The following SNX4 variants were observed in gnomAD, a reference collection of about 807,000 sequenced individuals.
SNX4 encodes the protein sorting nexin 4, also known as sorting nexin-4.
Under a neutral mutation model 70.8 loss-of-function variants are expected in SNX4, and 49 were observed. The observed-to-expected ratio is 0.69, with a 90% CI of 0.55 to 0.88. SNX4 has a LOEUF of 0.88. Ranked by LOEUF, SNX4 falls within the 40% of genes least tolerant of loss-of-function variation. The pLI is 0.00. For missense variants in SNX4, 528 were observed against 544.8 expected (o/e 0.97, Z 0.31); for synonymous variants, 206 against 183.8 (o/e 1.12, Z -0.98).
intron 9 of SNX4, among the ~76,000 whole-genome samples, chr3:125,468,246 G>T (rs1306414334): frequency 6.6e-6 from 1 of 152,182 alleles, no homozygotes; most frequent in Non-Finnish European, 1.5e-5. Context: ...CCTACTTAAG[G>T]GTGGAGGTTA....
intron 13 of SNX4, among the ~76,000 whole-genome samples, chr3:125,448,737 G>A (rs541443046): frequency 2.1e-5 from 3 of 143,572 alleles, no homozygotes; most frequent in African/African-American, 7.9e-5. Context: ...GTGCAGTGGC[G>A]CGATCTCGGC....
intron 12 of SNX4, among the ~76,000 whole-genome samples, chr3:125,452,319 C>T (rs998186462): frequency 2.6e-5 from 4 of 152,176 alleles, no homozygotes; most frequent in African/African-American, 9.7e-5. Context: ...TGGTCTTGAA[C>T]TTCCGACCTC....
At chr3:125,462,095 A>G (rs1364467644) in intron 9 of SNX4, among the ~76,000 whole-genome samples, 3 of 152,164 alleles carry the variant, frequency 2.0e-5, no homozygotes, top group Non-Finnish European at 4.4e-5. Flanking sequence ...ATACAAGCAC[A>G]TGTCTCAACA....
intron 13 of SNX4, 75 bp downstream of exon 13, chr3:125,451,230 G>T: frequency 1.3e-6 from 1 of 758,072 alleles, no homozygotes; most frequent in Non-Finnish European, 2.0e-6. Context: ...AAAATTTTTT[G>T]GTCAGGTAAT....
At chr3:125,476,851 T>G in intron 7 of SNX4, 95 bp from the exon 8 acceptor site, 1 of 676,956 alleles carries the variant, frequency 1.5e-6, no homozygotes, top group African/African-American at 1.9e-5. Context: ...CTTACTACAA[T>G]AAACTTGGAA....
chr3:125,513,483 C>T (rs1053506034), intron 1 of SNX4, among the ~76,000 whole-genome samples: 1 of 152,102 alleles, frequency 6.6e-6, no homozygotes, highest in Non-Finnish European at 1.5e-5. Flanking sequence ...AGTTGTTTGG[C>T]ATATGGCAAG....
At chr3:125,459,881 A>C (rs1388922612) in intron 10 of SNX4, among the ~76,000 whole-genome samples, 1 of 151,998 alleles carries the variant, frequency 6.6e-6, no homozygotes, top group Non-Finnish European at 1.5e-5. Flanking sequence ...TTGTTTTCCT[A>C]ACAGAATTCT....
chr3:125,473,423 GT>G (rs945814389), intron 8 of SNX4, among the ~76,000 whole-genome samples: 5 of 146,692 alleles, frequency 3.4e-5, no homozygotes, highest in Admixed American at 1.4e-4. Context: ...TCTCTTTTTT[GT>G]TTTTTTTTTG....
chr3:125,501,234 A>C (rs1325733930), intron 2 of SNX4, among the ~76,000 whole-genome samples: 2 of 152,230 alleles, frequency 1.3e-5, no homozygotes, highest in Admixed American at 1.3e-4. Context: ...AGAATTTCTT[A>C]AAACAGAAAA....
At chr3:125,474,101 TA>T (rs1210392822) in intron 8 of SNX4, among the ~76,000 whole-genome samples, 1 of 152,166 alleles carries the variant, frequency 6.6e-6, no homozygotes, top group Non-Finnish European at 1.5e-5. Flanking sequence ...TCAACTGCCC[TA>T]AATTAAATCT....
At position 125,453,801 on chromosome 3, in the gene SNX4, C is replaced by T. The variant is rs201026102; in HGVS notation, c.1190+9G>A. The T allele has an allele frequency of 6.2e-7, 1 of 1,613,066 alleles. No homozygotes were observed. The highest frequency in any genetic ancestry group is 1.7e-5 in the Admixed American group (1 of 59,900). On this transcript the variant is annotated intron_variant, in intron 12 of 13. Transcript: ENST00000251775. ...AGCCTAGCTTACTTAAACATCGCAG[C>T]ATCTTTACCTGCCTTCCAGATTTTT...
intron 7 of SNX4, among the ~76,000 whole-genome samples, chr3:125,478,486 G>GT (rs1579989601): frequency 1.3e-5 from 2 of 150,828 alleles, no homozygotes; most frequent in Admixed American, 1.3e-4. Flanking sequence ...AAATTTAACA[G>GT]TTTTTTTTCT....
chr3:125,447,497 T>C lies in SNX4; in HGVS notation c.*282A>G. On this transcript the variant is annotated 3_prime_UTR_variant, in exon 14 of 14. Coordinates refer to ENST00000251775, the MANE Select transcript of SNX4 (RefSeq NM_003794.4). ...AATTAACGAACATCTTGACATTCAG[T>C]CATTGGTTCAGAAGCGTGACAAACA... 1 of 262,596 alleles carries C rather than the reference T, an allele frequency of 3.8e-6. No individual in the cohort carries two copies. Among genetic ancestry groups the C allele is most frequent in the Non-Finnish European group, 7.1e-6 (1 of 141,672 alleles). The allele number at this position is 262,596 out of a possible 1,614,324, so 16.3% of individuals were successfully genotyped here. A position where few individuals can be genotyped will look rare whatever the true frequency, so the allele number is the denominator to read the frequency against.
At chr3:125,507,583 T>C (rs563617741) in intron 1 of SNX4, among the ~76,000 whole-genome samples, 1 of 152,272 alleles carries the variant, frequency 6.6e-6, no homozygotes, top group South Asian at 2.1e-4. Flanking sequence ...ACTGAGACAC[T>C]TTATAACTTT....
At chr3:125,486,711 A>G (rs888207498) in intron 6 of SNX4, among the ~76,000 whole-genome samples, 4 of 152,160 alleles carry the variant, frequency 2.6e-5, no homozygotes, top group Admixed American at 1.3e-4. Context: ...TTGCAACAAT[A>G]TAAGATGCTC....
chr3:125,488,524 C>A (rs1278870371), intron 6 of SNX4, among the ~76,000 whole-genome samples: 2 of 151,976 alleles, frequency 1.3e-5, no homozygotes, highest in Non-Finnish European at 2.9e-5. Flanking sequence ...ATCACAACCT[C>A]CTAATTACCA....
At chr3:125,459,939 T>C (rs1933832645) in intron 10 of SNX4, among the ~76,000 whole-genome samples, 1 of 151,494 alleles carries the variant, frequency 6.6e-6, no homozygotes, top group African/African-American at 2.4e-5. Flanking sequence ...ATGCCTGTAA[T>C]CCCAGCACTT....
chr3:125,513,135 G>A (rs930813984), intron 1 of SNX4, among the ~76,000 whole-genome samples: 1 of 152,132 alleles, frequency 6.6e-6, no homozygotes, highest in Non-Finnish European at 1.5e-5. Flanking sequence ...TGGGGCCTTT[G>A]GAAAGATTAG....
At chr3:125,493,653 CAAA>C (rs145292055) in intron 5 of SNX4, among the ~76,000 whole-genome samples, 3 of 117,210 alleles carry the variant, frequency 2.6e-5, no homozygotes, top group Non-Finnish European at 1.8e-5. Context: ...GACTCCGTGT[CAAA>C]AAAAAAAAAA....
Sources: allele counts gnomAD v4.1 joint callset (sites outside exome capture counted in the v4.1 genomes callset), GRCh38; gene constraint gnomAD v4.1.1; transcripts MANE v1.5; gene names NCBI Gene and HGNC (gene_info 2026-07-23, HGNC 2026-07-21).